Variants in PTCHD4 observed in about 807,000 individuals in gnomAD.
PTCHD4 encodes patched domain-containing protein 4.
In PTCHD4, 33 loss-of-function variants were observed where a neutral mutation model predicts 58.1. That is an observed-to-expected ratio of 0.57 (90% confidence interval 0.43 to 0.76). The LOEUF (loss-of-function observed/expected upper bound fraction) is 0.76. Ranked by LOEUF, PTCHD4 falls within the 30% of genes least tolerant of loss-of-function variation. The pLI, the probability that PTCHD4 is intolerant of heterozygous loss-of-function variation, is 0.00. For synonymous variants in PTCHD4, 478 were observed against 409.6 expected (o/e 1.17, Z -2.02); for missense variants, 1,058 against 1,027.1 (o/e 1.03, Z -0.41).
intron 4 of PTCHD4, among the ~76,000 whole-genome samples, chr6:47,912,551 G>A (rs970649767): frequency 5.3e-5 from 8 of 152,042 alleles, no homozygotes; most frequent in East Asian, 1.9e-4. Context: ...GTTACCAACT[G>A]TATTTCCATT....
intron 3 of PTCHD4, among the ~76,000 whole-genome samples, chr6:48,059,944 C>T (rs958995804): frequency 3.3e-5 from 5 of 152,132 alleles, no homozygotes; most frequent in East Asian, 1.9e-4. Flanking sequence ...TCAAGAAAAC[C>T]GTTTTTTACC....
At chr6:48,005,653 A>T (rs1160702201) in intron 4 of PTCHD4, among the ~76,000 whole-genome samples, 1 of 152,162 alleles carries the variant, frequency 6.6e-6, no homozygotes, top group Non-Finnish European at 1.5e-5. Flanking sequence ...TTTCTATTCT[A>T]AGCCTCTCTG....
chr6:48,074,436 G>A (rs1765025668), intron 1 of PTCHD4, among the ~76,000 whole-genome samples: 1 of 152,238 alleles, frequency 6.6e-6, no homozygotes, highest in Non-Finnish European at 1.5e-5. Flanking sequence ...AGATCCCAAG[G>A]AAGAAGCTGC....
At chr6:48,047,188 T>C (rs1764065807) in intron 3 of PTCHD4, among the ~76,000 whole-genome samples, 1 of 151,802 alleles carries the variant, frequency 6.6e-6, no homozygotes, top group African/African-American at 2.4e-5. Context: ...CTAATGACTG[T>C]AGTGTTTTTT....
intron 1 of PTCHD4, among the ~76,000 whole-genome samples, chr6:48,072,935 G>C (rs868560048): frequency 2.9e-4 from 44 of 152,092 alleles, no homozygotes; most frequent in Middle Eastern, 6.8e-3. Context: ...AGGAAGAAAA[G>C]CATGGTTGCT....
At chr6:47,918,497 G>C (rs780377130) in intron 4 of PTCHD4, among the ~76,000 whole-genome samples, 1 of 151,684 alleles carries the variant, frequency 6.6e-6, no homozygotes, top group African/African-American at 2.4e-5. Context: ...TGCCATTTTC[G>C]TTAAGGTATT....
chr6:48,099,846 G>T (rs1765560914), intron 1 of PTCHD4, among the ~76,000 whole-genome samples: 1 of 152,256 alleles, frequency 6.6e-6, no homozygotes, highest in South Asian at 2.1e-4. Flanking sequence ...ATTTTTAGGT[G>T]CATGTTTACT....
At chr6:47,931,113 T>C (rs1021816955) in intron 4 of PTCHD4, among the ~76,000 whole-genome samples, 1 of 152,230 alleles carries the variant, frequency 6.6e-6, no homozygotes, top group African/African-American at 2.4e-5. Flanking sequence ...GACGCTGACT[T>C]TGTGTAAGAC....
intron 4 of PTCHD4, among the ~76,000 whole-genome samples, chr6:47,914,708 GTCTC>G (rs1382005950): frequency 2.5e-4 from 21 of 82,480 alleles, no homozygotes; most frequent in East Asian, 1.1e-3. Context: ...CTGTCTGTCT[GTCTC>G]TCTGTCTGTC....
chr6:47,902,643 A>G (rs2114149948), intron 4 of PTCHD4, among the ~76,000 whole-genome samples: 1 of 152,342 alleles, frequency 6.6e-6, no homozygotes, highest in Non-Finnish European at 1.5e-5. Context: ...AACCAATTTT[A>G]AAAATTTCAA....
intron 4 of PTCHD4, among the ~76,000 whole-genome samples, chr6:47,954,142 AG>A (rs975545776): frequency 1.3e-5 from 2 of 152,186 alleles, no homozygotes; most frequent in African/African-American, 4.8e-5. Context: ...GGATCACTTG[AG>A]GTCAAGAATT....
chr6:47,967,524 T>C (rs1386967524), intron 4 of PTCHD4, among the ~76,000 whole-genome samples: 4 of 152,238 alleles, frequency 2.6e-5, no homozygotes, highest in Admixed American at 2.0e-4. Context: ...AAGCCAGTCA[T>C]TGACTTTTCC....
intron 4 of PTCHD4, among the ~76,000 whole-genome samples, chr6:47,975,313 C>A (rs920689651): frequency 6.6e-6 from 1 of 152,170 alleles, no homozygotes; most frequent in Non-Finnish European, 1.5e-5. Flanking sequence ...TGCATTCTGG[C>A]TGAAGCAGGT....
chr6:47,960,071 C>T (rs1027446097), intron 4 of PTCHD4, among the ~76,000 whole-genome samples: 1 of 151,844 alleles, frequency 6.6e-6, no homozygotes, highest in African/African-American at 2.4e-5. Context: ...AATGACAAGA[C>T]CAACAAGTGA....
intron 4 of PTCHD4, among the ~76,000 whole-genome samples, chr6:47,952,853 T>C (rs1022453109): frequency 6.6e-6 from 1 of 152,068 alleles, no homozygotes; most frequent in Non-Finnish European, 1.5e-5. Context: ...CATTTCTCTG[T>C]CATTAGATGA....
intron 1 of PTCHD4, among the ~76,000 whole-genome samples, chr6:48,083,049 G>T (rs919539655): frequency 6.6e-6 from 1 of 150,940 alleles, no homozygotes; most frequent in African/African-American, 2.4e-5. Flanking sequence ...ATAATTACCG[G>T]CATATTTGCA....
In PTCHD4 at chr6:47,879,891, C is replaced by T. The variant is rs1158253743; in HGVS notation, c.944G>A (p.Arg315Lys). The T allele has an allele frequency of 1.3e-6, 2 of 1,582,080 alleles. No homozygotes were observed. Among genetic ancestry groups the T allele is most frequent in the Admixed American group, 1.8e-5 (1 of 54,078 alleles). ...TTTGAAGGGCAAGTTCTCTTTGGTT[C>T]TCCGCCATCCGGACAGAAGCTCAAA... ...GVFELLSGWR[R>K]TKENLPFKDR... is the part of the protein sequence containing the mutation. Residue 315 changes from arginine (R) to lysine (K), a missense_variant, in exon 5 of 5, where the codon AGA becomes AAA. Physicochemically the swap from Arg to Lys is conservative, Grantham distance 26. Transcript: ENST00000339488.
rs1763410584 is a variant in PTCHD4, at chr6:47,860,883, T to G, written c.*17420A>C. On this transcript the variant is annotated 3_prime_UTR_variant, in exon 5 of 5. Coordinates refer to ENST00000339488, the MANE Select transcript of PTCHD4 (RefSeq NM_001384253.1). Reference sequence around the variant, plus strand: ...CCTGAGATAAACTCTTTATGATTTTTAGACTTGAAATAATTTTATATACTT... The same window carrying G: ...CCTGAGATAAACTCTTTATGATTTTGAGACTTGAAATAATTTTATATACTT... Among the ~76,000 whole-genome samples, 1 of 152,058 alleles carries G rather than the reference T, an allele frequency of 6.6e-6. No homozygotes were observed. Among genetic ancestry groups the G allele is most frequent in the South Asian group, 2.1e-4 (1 of 4,832 alleles).
At chr6:47,881,906 G>A (rs1367632212) in intron 4 of PTCHD4, among the ~76,000 whole-genome samples, 2 of 152,036 alleles carry the variant, frequency 1.3e-5, no homozygotes, top group Non-Finnish European at 2.9e-5. Flanking sequence ...AGAAAGGTTC[G>A]TGTAAACTGC....
Sources: gnomAD v4.1 joint callset for allele counts (sites outside exome capture counted in the v4.1 genomes callset) on GRCh38, gnomAD v4.1.1 for gene constraint, MANE v1.5 for transcripts, NCBI Gene and HGNC (gene_info 2026-07-23, HGNC 2026-07-21) for gene names.